Variants in AIFM1 observed in about 807,000 individuals in gnomAD.
AIFM1 encodes apoptosis inducing factor mitochondria associated 1.
In AIFM1, 3 loss-of-function variants were observed where a neutral mutation model predicts 51.7. The ratio of observed to expected loss-of-function variants is 0.06; its 90% CI spans 0.03 to 0.15. The LOEUF (loss-of-function observed/expected upper bound fraction) is 0.15, where lower values mean the gene tolerates loss of function less well. Ranked by LOEUF, AIFM1 falls within the 10% of genes least tolerant of loss-of-function variation. The pLI, the probability that AIFM1 is intolerant of heterozygous loss-of-function variation, is 1.00. For synonymous variants in AIFM1, 178 were observed against 179.4 expected (o/e 0.99, Z 0.06); for missense variants, 330 against 476.8 (o/e 0.69, Z 2.87).
intron 6 of AIFM1, among the ~76,000 whole-genome samples, chrX:130,144,891 G>A (rs372933374): frequency 1.3e-4 from 14 of 111,967 alleles, no homozygotes; most frequent in Admixed American, 1.0e-3. Flanking sequence ...TGTTCCTAAC[G>A]AAGGACAATC....
chrX:130,148,358 C>T (rs2030829165), intron 3 of AIFM1, among the ~76,000 whole-genome samples: 1 of 111,255 alleles, frequency 9.0e-6, no homozygotes, highest in South Asian at 3.8e-4. Context: ...AAATTGCCCA[C>T]CCAGAGTTGT....
intron 2 of AIFM1, among the ~76,000 whole-genome samples, chrX:130,156,044 T>C (rs1375139033): frequency 1.8e-5 from 2 of 111,981 alleles, no homozygotes; most frequent in Non-Finnish European, 3.8e-5. Context: ...TGTTGTTTTT[T>C]TAATGTGAAC....
chrX:130,133,916 G>T (rs1463495779), intron 12 of AIFM1, among the ~76,000 whole-genome samples: 1 of 110,084 alleles, frequency 9.1e-6, no homozygotes, highest in Non-Finnish European at 1.9e-5. Context: ...ACAGGCATGA[G>T]TCACCACGCC....
chrX:130,140,331 G>A lies in AIFM1; in HGVS notation c.781+202C>T, dbSNP rs6654601. Among the ~76,000 whole-genome samples, 293 of 112,339 alleles carry A rather than the reference G, an allele frequency of 2.6e-3. 1 individual carries two copies. The highest frequency in any genetic ancestry group is 8.8e-3 in the African/African-American group (273 of 30,989). The stretch of plus-strand genomic sequence containing the variant: ...AGGGCAACTTCTTCATGCCTCTACC[G>A]GGAGAACAGCAAGGATCATCCAGAA... On this transcript the variant is annotated intron_variant, in intron 7 of 15. Transcript: ENST00000287295.
At chrX:130,138,465 A>G in intron 9 of AIFM1, 128 bp downstream of exon 9, 2 of 484,081 alleles carry the variant, frequency 4.1e-6, no homozygotes, top group Non-Finnish European at 7.0e-6. Context: ...ACTCCATCTC[A>G]AAAAAAAATA....
At chrX:130,159,877 G>A (rs1383951284) in intron 1 of AIFM1, among the ~76,000 whole-genome samples, 1 of 108,187 alleles carries the variant, frequency 9.2e-6, no homozygotes, top group Non-Finnish European at 1.9e-5. Context: ...CTGGAGTGCA[G>A]TGGCACAATC....
chrX:130,139,914 A>G, intron 7 of AIFM1, 43 bp from the exon 8 acceptor site: 1 of 1,097,964 alleles, frequency 9.1e-7, no homozygotes, highest in Non-Finnish European at 1.3e-6. Context: ...AACAAGCAGG[A>G]GCCAGCCCAA....
intron 5 of AIFM1, among the ~76,000 whole-genome samples, 182 bp from the exon 6 acceptor site, chrX:130,145,751 CTCAACTTGGGGCAATTT>C (rs1396858143): frequency 8.9e-6 from 1 of 112,015 alleles, no homozygotes; most frequent in Non-Finnish European, 1.9e-5. Context: ...ATCAGTGGTT[CTCAACTTGGGGCAATTT>C]TGCTCCCAGG....
chrX:130,143,211 A>G (rs1255650413), intron 6 of AIFM1, among the ~76,000 whole-genome samples: 2 of 111,588 alleles, frequency 1.8e-5, no homozygotes. Flanking sequence ...ACTTCTACAC[A>G]TATGCAGATG....
At chrX:130,146,305 G>A (rs210001) in intron 5 of AIFM1, among the ~76,000 whole-genome samples, 51,871 of 107,632 alleles carry the variant, frequency 0.48, 9,920 homozygotes, top group African/African-American at 0.67. Context: ...TAAAAGGCAC[G>A]TGGTGGTACG....
At chrX:130,139,328 T>C (rs1569418278) in intron 8 of AIFM1, among the ~76,000 whole-genome samples, 1 of 106,126 alleles carries the variant, frequency 9.4e-6, no homozygotes, top group Admixed American at 1.0e-4. Flanking sequence ...CGAGATTCAG[T>C]CTCGAAAAAA....
At position 130,129,617 on chromosome X, in the gene AIFM1, G is replaced by A. The variant is rs148690239; in HGVS notation, c.1782C>T (p.Asp594=). 10 of 1,206,454 alleles carry A rather than the reference G, an allele frequency of 8.3e-6. No homozygotes were observed. The highest frequency in any genetic ancestry group is 4.6e-4 in the Middle Eastern group (2 of 4,370). ...RMPIARKIIK[D]GEQHEDLNEV... ...CATTGAGATCTTCATGCTGCTCACC[G>A]TCCTTAATGATCTGAGGGAGAGAGA... Residue 594 remains aspartate, a synonymous_variant, in exon 16 of 16, where the codon GAC becomes GAT. Transcript: ENST00000287295.
intron 7 of AIFM1, 35 bp from the exon 8 acceptor site, chrX:130,139,906 C>T: frequency 8.9e-7 from 1 of 1,123,193 alleles, no homozygotes; most frequent in Non-Finnish European, 1.2e-6. Context: ...TTTAGCCCAA[C>T]AAGCAGGAGC....
chrX:130,165,688 C>T lies in AIFM1; in HGVS notation c.-32G>A. ...GACCGCTATTCGGGACCTCCTCCTTCCCTTTCCTCTCACGCACGACCGACG... is the reference window on the plus strand; with the variant it reads ...GACCGCTATTCGGGACCTCCTCCTTTCCTTTCCTCTCACGCACGACCGACG... On this transcript the variant is annotated 5_prime_UTR_variant, in exon 1 of 16. Coordinates refer to ENST00000287295, the MANE Select transcript of AIFM1 (RefSeq NM_004208.4). 1 of 1,124,821 alleles carries T rather than the reference C, an allele frequency of 8.9e-7. No homozygotes were observed. The highest frequency in any genetic ancestry group is 1.2e-6 in the Non-Finnish European group (1 of 829,955). 92.7% of individuals were successfully genotyped at this position (1,124,821 alleles called of 1,213,427 possible). A position where few individuals can be genotyped will look rare whatever the true frequency, so the allele number is the denominator to read the frequency against.
intron 1 of AIFM1, among the ~76,000 whole-genome samples, chrX:130,161,279 G>A (rs975723237): frequency 1.8e-5 from 2 of 110,399 alleles, no homozygotes; most frequent in Non-Finnish European, 3.8e-5. Flanking sequence ...TTGGGAGGCC[G>A]AGGTGGGCGG....
rs766427621 is a variant in AIFM1 at position 130,144,892 on chromosome X, A to G, written c.696+587T>C. ...AGGAGAAGTGAGTATGTTCCTAACG[A>G]AGGACAATCCTTCCACTTATGCTGT... On this transcript the variant is annotated intron_variant, in intron 6 of 15. Coordinates refer to ENST00000287295, the MANE Select transcript of AIFM1 (RefSeq NM_004208.4). 4.5e-5 allele frequency among the ~76,000 whole-genome samples: 5 copies of G among 112,169 alleles called. No individual in the cohort carries two copies. The South Asian group carries it at 1.8e-3, about 41-fold the overall frequency.
At chrX:130,155,980 A>G (rs2031150019) in intron 2 of AIFM1, among the ~76,000 whole-genome samples, 1 of 112,447 alleles carries the variant, frequency 8.9e-6, no homozygotes, top group African/African-American at 3.2e-5. Context: ...GTCTTTGGGT[A>G]AGATTCAGGG....
chrX:130,132,073 T>C (rs2030110929), intron 13 of AIFM1, among the ~76,000 whole-genome samples: 2 of 111,518 alleles, frequency 1.8e-5, no homozygotes, highest in East Asian at 2.8e-4. Flanking sequence ...GGTTTTACCA[T>C]GTTGGCCAGG....
At chrX:130,150,442 TCTC>T (rs1431403346) in intron 2 of AIFM1, among the ~76,000 whole-genome samples, 2 of 97,430 alleles carry the variant, frequency 2.1e-5, no homozygotes, top group African/African-American at 7.5e-5. Flanking sequence ...TTCACGCCAT[TCTC>T]CTGCCTCAGC....
Sources: allele counts gnomAD v4.1 joint callset (sites outside exome capture counted in the v4.1 genomes callset), GRCh38; gene constraint gnomAD v4.1.1; transcripts MANE v1.5; gene names NCBI Gene and HGNC (gene_info 2026-07-23, HGNC 2026-07-21).